The following CREBBP variants were observed in gnomAD, a reference collection of about 807,000 sequenced individuals.
The protein encoded by CREBBP is CREB binding lysine acetyltransferase, also known as CREB-binding protein.
CREBBP carries 19 observed loss-of-function variants against 265.0 expected under a neutral mutation model. That is an observed-to-expected ratio of 0.07 (90% CI 0.05 to 0.11). The LOEUF is 0.11. CREBBP is among the 10% of genes least tolerant of loss of function. CREBBP has a pLI of 1.00. For missense variants in CREBBP, 2,525 were observed against 3,219.0 expected (o/e 0.78, Z 5.22); for synonymous variants, 1,457 against 1,223.7 (o/e 1.19, Z -3.98).
At chr16:3,848,351 T>C (rs191395849) in intron 2 of CREBBP, among the ~76,000 whole-genome samples, 2 of 152,054 alleles carry the variant, frequency 1.3e-5, no homozygotes, top group Admixed American at 1.3e-4. Context: ...CAGTCCAGGG[T>C]CCCAGACCTT....
chr16:3,840,209 A>C (rs1363951513), intron 2 of CREBBP, among the ~76,000 whole-genome samples: 1 of 152,230 alleles, frequency 6.6e-6, no homozygotes, highest in African/African-American at 2.4e-5. Context: ...CACGTGAAAA[A>C]GTGAAAAGCA....
chr16:3,849,459 GT>G (rs372512304), intron 2 of CREBBP, among the ~76,000 whole-genome samples: 9 of 129,938 alleles, frequency 6.9e-5, no homozygotes, highest in East Asian at 2.8e-4. Flanking sequence ...GTGTGTGTGT[GT>G]GTGTGTGTGT....
chr16:3,834,868 C>T (rs973593636), intron 2 of CREBBP, among the ~76,000 whole-genome samples: 5 of 152,086 alleles, frequency 3.3e-5, no homozygotes, highest in African/African-American at 1.2e-4. Flanking sequence ...TCTTTAAAAG[C>T]TTTTCTTGGG....
At chr16:3,764,991 G>GT (rs1364250438) in intron 16 of CREBBP, among the ~76,000 whole-genome samples, 2 of 148,698 alleles carry the variant, frequency 1.3e-5, no homozygotes, top group African/African-American at 2.5e-5. Flanking sequence ...TTTTGTTTTT[G>GT]TTTTTTGAGA....
At chr16:3,862,264 G>C (rs73503930) in intron 1 of CREBBP, among the ~76,000 whole-genome samples, 307 of 152,312 alleles carry the variant, frequency 2.0e-3, no homozygotes, top group African/African-American at 7.1e-3. Context: ...ACTCCAAAGA[G>C]GCAGGGACAG....
chr16:3,863,081 A>C (rs1383836109), intron 1 of CREBBP, among the ~76,000 whole-genome samples: 1 of 152,244 alleles, frequency 6.6e-6, no homozygotes, highest in Non-Finnish European at 1.5e-5. Context: ...AGAACCTTAG[A>C]AACTGTAATG....
intron 2 of CREBBP, among the ~76,000 whole-genome samples, chr16:3,812,128 G>C (rs1242618060): frequency 6.6e-6 from 1 of 151,930 alleles, no homozygotes; most frequent in Admixed American, 6.6e-5. Context: ...TAGGCGATGG[G>C]TACAGAGAGG....
rs2151306937 is a variant in CREBBP, at chr16:3,729,071, C to T, written c.5976G>A (p.Gly1992=). 1 of 1,583,326 alleles carries T rather than the reference C, an allele frequency of 6.3e-7. No individual in the cohort carries two copies. The highest frequency in any genetic ancestry group is 8.5e-7 in the Non-Finnish European group (1 of 1,170,324). Residue 1992 remains glycine, a synonymous_variant, in exon 31 of 31, where the codon GGG becomes GGA. Transcript: ENST00000262367. ...TCAGGCTCACGGGGGCCATCTGGCT[C>T]CCCGGGGTCCCCATGCCCGTGCGTC... is the stretch of plus-strand genomic sequence containing the variant. ...PPGRTGMGTP[G]SQMAPVSLNV...
rs1215520712 is a variant in CREBBP, at chr16:3,786,471, T to G, written c.1331-3545A>C. On this transcript the variant is annotated intron_variant, in intron 5 of 30. Transcript: ENST00000262367. ...AGACAACTTAAGCCCCTAATCATCC[T>G]CAATAAAACTGAACTCCATTTGGAA... is the stretch of plus-strand genomic sequence containing the variant. 3.3e-5 allele frequency among the ~76,000 whole-genome samples: 5 copies of G among 152,196 alleles called. No individual in the cohort carries two copies. In the East Asian group the frequency reaches 9.6e-4, roughly 29 times the overall value.
intron 2 of CREBBP, among the ~76,000 whole-genome samples, chr16:3,824,056 C>A (rs2054192572): frequency 6.6e-6 from 1 of 152,198 alleles, no homozygotes; most frequent in South Asian, 2.1e-4. Flanking sequence ...AGTGGTGACA[C>A]ACACAGGGCC....
chr16:3,797,684 C>A lies in CREBBP; in HGVS notation c.976-4058G>T, dbSNP rs568806621. Among the ~76,000 whole-genome samples the A allele has an allele frequency of 2.6e-5, 4 of 151,890 alleles. No homozygotes were observed. The South Asian group carries it at 8.3e-4, about 32-fold the overall frequency. Reference sequence around the variant, plus strand: ...GTAAGTGAAACCCCAGAAAGTGAAACCCCAGATAAGAGAGGACGATTGTCT... The same window carrying A: ...GTAAGTGAAACCCCAGAAAGTGAAAACCCAGATAAGAGAGGACGATTGTCT... On this transcript the variant is annotated intron_variant, in intron 3 of 30. Coordinates refer to ENST00000262367, the MANE Select transcript of CREBBP (RefSeq NM_004380.3).
At position 3,773,668 on chromosome 16, in the gene CREBBP, G is replaced by A. The variant is rs2053066746; in HGVS notation, c.2463+83C>T. The A allele has an allele frequency of 1.1e-5, 16 of 1,417,878 alleles. 1 individual carries two copies. The highest frequency in any genetic ancestry group is 3.7e-4 in the Middle Eastern group (2 of 5,418). The allele number at this position is 1,417,878 out of a possible 1,614,324, so 87.8% of individuals were successfully genotyped here. On this transcript the variant is annotated intron_variant, in intron 13 of 30. Transcript: ENST00000262367. ...TGCATTCTGGAATTTTAATTTCCACGAAGGAAGACAGAAAAAAAAAACCAA... is the reference window on the plus strand; with the variant it reads ...TGCATTCTGGAATTTTAATTTCCACAAAGGAAGACAGAAAAAAAAAACCAA...
chr16:3,843,650 G>A lies in CREBBP; in HGVS notation c.798+6647C>T, dbSNP rs550606230. Among the ~76,000 whole-genome samples, 28 of 151,828 alleles carry A rather than the reference G, an allele frequency of 1.8e-4. 1 individual carries two copies. The South Asian group carries it at 4.8e-3, about 26-fold the overall frequency. On this transcript the variant is annotated intron_variant, in intron 2 of 30. Coordinates refer to ENST00000262367, the MANE Select transcript of CREBBP (RefSeq NM_004380.3). ...TCACAGGCTGGTCTTGAACTCCTGGGCTCAAGCAATCCTCCCACCTCAGCC... is the reference window on the plus strand; with the variant it reads ...TCACAGGCTGGTCTTGAACTCCTGGACTCAAGCAATCCTCCCACCTCAGCC...
chr16:3,733,029 A>G (rs1237898648), intron 28 of CREBBP, among the ~76,000 whole-genome samples: 1 of 152,018 alleles, frequency 6.6e-6, no homozygotes, highest in Non-Finnish European at 1.5e-5. Context: ...AAGATGAGAG[A>G]GACTCTTGGT....
intron 3 of CREBBP, among the ~76,000 whole-genome samples, chr16:3,808,008 T>G (rs1003957840): frequency 1.3e-5 from 2 of 152,002 alleles, no homozygotes; most frequent in East Asian, 1.9e-4. Context: ...TGTGAGACAG[T>G]GGCCACCAGG....
chr16:3,732,090 G>A (rs1240629028), intron 28 of CREBBP, among the ~76,000 whole-genome samples, 153 bp from the exon 29 acceptor site: 3 of 152,218 alleles, frequency 2.0e-5, no homozygotes, highest in Non-Finnish European at 4.4e-5. Context: ...GGTGGCTGTA[G>A]GTGCTGCAGC....
At chr16:3,844,821 AAT>A (rs1162596531) in intron 2 of CREBBP, among the ~76,000 whole-genome samples, 1 of 152,208 alleles carries the variant, frequency 6.6e-6, no homozygotes, top group African/African-American at 2.4e-5. Context: ...TAGATAATGA[AAT>A]ATAACTCATC....
At chr16:3,879,805 C>G in intron 1 of CREBBP, 27 bp downstream of exon 1, 1 of 1,560,134 alleles carries the variant, frequency 6.4e-7, no homozygotes, top group Non-Finnish European at 8.7e-7. Context: ...CGCCCCGGGC[C>G]CCCGCCGCCC....
In CREBBP at chr16:3,846,124, A is replaced by G. The variant is rs892096907; in HGVS notation, c.798+4173T>C. On this transcript the variant is annotated intron_variant, in intron 2 of 30. Transcript: ENST00000262367. The stretch of plus-strand genomic sequence containing the variant: ...CAGACTATGGCAAATAACAAAGGGG[A>G]AAAACATGTTTTAAGAGACTTAAGA... 5.3e-5 allele frequency among the ~76,000 whole-genome samples: 8 copies of G among 152,188 alleles called. No individual in the cohort carries two copies. The East Asian group carries it at 1.5e-3, about 29-fold the overall frequency.
Sources: gnomAD v4.1 joint callset for allele counts (sites outside exome capture counted in the v4.1 genomes callset) on GRCh38, gnomAD v4.1.1 for gene constraint, MANE v1.5 for transcripts, NCBI Gene and HGNC (gene_info 2026-07-23, HGNC 2026-07-21) for gene names.